The following SENP7 variants were observed in gnomAD, a reference collection of about 807,000 sequenced individuals.
SENP7 encodes the protein sentrin-specific protease 7.
A neutral mutation model predicts 141.2 loss-of-function variants in SENP7; 64 were observed. That is an observed-to-expected ratio of 0.45 (90% CI 0.37 to 0.56). The LOEUF (loss-of-function observed/expected upper bound fraction) is 0.56. Among genes scored for constraint, SENP7 ranks in the 20% least tolerant of loss-of-function variants. SENP7 has a pLI of 0.00. For missense variants in SENP7, 1,025 were observed against 1,212.2 expected, an observed-to-expected ratio of 0.85 and a Z score of 2.29; for synonymous variants, 382 against 426.4, an observed-to-expected ratio of 0.90 and a Z score of 1.28.
At chr3:101,465,256 G>A (rs2063723571) in intron 3 of SENP7, among the ~76,000 whole-genome samples, 1 of 152,130 alleles carries the variant, frequency 6.6e-6, no homozygotes, top group Non-Finnish European at 1.5e-5. Flanking sequence ...CACTGGCTCA[G>A]ACACATGCCT....
At chr3:101,488,893 T>G (rs962318685) in intron 3 of SENP7, among the ~76,000 whole-genome samples, 1 of 152,044 alleles carries the variant, frequency 6.6e-6, no homozygotes, top group Non-Finnish European at 1.5e-5. Flanking sequence ...AGAAAAAATC[T>G]TAAAGGCAGC....
In SENP7 at chr3:101,355,507, G is replaced by A. The variant is rs569228469; in HGVS notation, c.1624-3856C>T. 7.9e-5 allele frequency among the ~76,000 whole-genome samples: 12 copies of A among 152,264 alleles called. 1 individual carries two copies. In the South Asian group the frequency reaches 2.3e-3, roughly 29 times the overall value. ...GCTTGTTTTTGTCTGCTTTGTCAAA[G>A]ATCAGATGGTCATAGGTGTGCAGCT... On this transcript the variant is annotated intron_variant, in intron 11 of 23. Coordinates refer to ENST00000394095, the MANE Select transcript of SENP7 (RefSeq NM_020654.5).
chr3:101,489,176 G>A (rs1431071568), intron 3 of SENP7, among the ~76,000 whole-genome samples: 2 of 152,080 alleles, frequency 1.3e-5, no homozygotes, highest in African/African-American at 4.8e-5. Context: ...TACTAAACAT[G>A]GAATCAGAAG....
chr3:101,435,227 A>C (rs2062337630), intron 4 of SENP7, among the ~76,000 whole-genome samples: 1 of 79,112 alleles, frequency 1.3e-5, no homozygotes, highest in African/African-American at 6.4e-5. Flanking sequence ...ACAGTTCTTC[A>C]TAATAAAAAA....
At chr3:101,459,127 T>C (rs2063464432) in intron 3 of SENP7, 75 bp from the exon 4 acceptor site, 6 of 777,966 alleles carry the variant, frequency 7.7e-6, no homozygotes, top group Non-Finnish European at 1.2e-5. Flanking sequence ...TTCTTTTTTA[T>C]TTGGAAATTT....
chr3:101,436,963 T>TG (rs1305709393), intron 4 of SENP7, among the ~76,000 whole-genome samples: 1 of 152,136 alleles, frequency 6.6e-6, no homozygotes, highest in Non-Finnish European at 1.5e-5. Flanking sequence ...GATTTGGAAG[T>TG]GATCTAAGTG....
intron 4 of SENP7, among the ~76,000 whole-genome samples, chr3:101,455,120 T>C (rs1314812150): frequency 6.6e-6 from 1 of 152,144 alleles, no homozygotes; most frequent in Admixed American, 6.6e-5. Context: ...ATGGAAACTT[T>C]CCCCCTCCCC....
intron 4 of SENP7, among the ~76,000 whole-genome samples, chr3:101,431,700 C>T (rs1414977874): frequency 6.6e-6 from 1 of 151,712 alleles, no homozygotes; most frequent in Non-Finnish European, 1.5e-5. Context: ...AGGAGAATCG[C>T]TTGAACCCGG....
At chr3:101,448,475 G>C (rs1055643799) in intron 4 of SENP7, among the ~76,000 whole-genome samples, 1 of 152,218 alleles carries the variant, frequency 6.6e-6, no homozygotes, top group African/African-American at 2.4e-5. Context: ...ATTAGCTCCA[G>C]ACCCTGTTTC....
intron 3 of SENP7, among the ~76,000 whole-genome samples, chr3:101,490,887 G>C (rs1341045242): frequency 1.3e-5 from 2 of 152,148 alleles, no homozygotes; most frequent in African/African-American, 4.8e-5. Context: ...AGCAAATATG[G>C]TGAACTTTAA....
chr3:101,377,751 A>C (rs1281477974), intron 6 of SENP7, among the ~76,000 whole-genome samples: 1 of 152,224 alleles, frequency 6.6e-6, no homozygotes, highest in East Asian at 1.9e-4. Context: ...TGTGTGAGGA[A>C]AAGCAAGGAA....
chr3:101,466,345 A>G (rs529548400), intron 3 of SENP7, among the ~76,000 whole-genome samples: 109 of 147,286 alleles, frequency 7.4e-4, no homozygotes, highest in African/African-American at 2.3e-3. Flanking sequence ...AAAGTCAAAG[A>G]CACAATTCTA....
chr3:101,437,578 G>A (rs916424827), intron 4 of SENP7, among the ~76,000 whole-genome samples: 5 of 152,100 alleles, frequency 3.3e-5, no homozygotes, highest in African/African-American at 1.2e-4. Flanking sequence ...TAGGCATGGT[G>A]GCATGTGCCT....
chr3:101,464,976 T>C (rs1451825161), intron 3 of SENP7, among the ~76,000 whole-genome samples: 3 of 152,138 alleles, frequency 2.0e-5, no homozygotes, highest in Admixed American at 6.5e-5. Context: ...AAATACATTA[T>C]AACAAAAAAC....
In SENP7 at chr3:101,495,960, T is replaced by C. The variant is rs76127787; in HGVS notation, c.91-1992A>G. 9.1e-3 allele frequency among the ~76,000 whole-genome samples: 1,390 copies of C among 152,296 alleles called. 17 individuals are homozygous for C. Among genetic ancestry groups the C allele is most frequent in the African/African-American group, 0.032 (1,318 of 41,560 alleles). Reference sequence around the variant, plus strand: ...TACTTATGCCTAACACAGTGTCCAATACATGTTGAATACCCAATAAATATC... The same window carrying C: ...TACTTATGCCTAACACAGTGTCCAACACATGTTGAATACCCAATAAATATC... On this transcript the variant is annotated intron_variant, in intron 2 of 23. Transcript: ENST00000394095.
chr3:101,361,752 A>G lies in SENP7; in HGVS notation c.1586T>C (p.Ile529Thr). 1.3e-6 allele frequency: 2 copies of G among 1,596,358 alleles called. No homozygotes were observed. Among genetic ancestry groups the G allele is most frequent in the Non-Finnish European group, 1.7e-6 (2 of 1,174,224 alleles). Residue 529 changes from isoleucine (I) to threonine (T), a missense_variant, in exon 11 of 24, where the codon ATT becomes ACT. Physicochemically the swap from Ile to Thr is moderately conservative, Grantham distance 89. Around this residue, in one of 4 missense-constraint regions of SENP7, gnomAD observed 228 missense variants for 228.5 expected, o/e 1.00. Coordinates refer to ENST00000394095, the MANE Select transcript of SENP7 (RefSeq NM_020654.5). ...TTTAGAAGCTCCTTTTATTTTACCA[A>G]TATAAACAGAAGTAAATATAAAATC... is the stretch of plus-strand genomic sequence containing the variant. ...QLDFIFTSVY[I>T]GKIKGASKGC... is the part of the protein sequence containing the mutation.
intron 3 of SENP7, among the ~76,000 whole-genome samples, chr3:101,475,743 A>C (rs185565174): frequency 1.3e-5 from 2 of 152,304 alleles, no homozygotes; most frequent in Non-Finnish European, 2.9e-5. Flanking sequence ...CTTGAAATAA[A>C]AATAAAAAGA....
In SENP7 at chr3:101,356,816, T is replaced by G. The variant is rs537989455; in HGVS notation, c.1623+4899A>C. ...TGCTGAAAAAAGCTTGAGCAATTGC[T>G]TGAGGGTTTTCCTCTAGTACAAAAT... On this transcript the variant is annotated intron_variant, in intron 11 of 23. Transcript: ENST00000394095. Among the ~76,000 whole-genome samples the G allele has an allele frequency of 2.6e-5, 4 of 152,336 alleles. No homozygotes were observed. In the South Asian group the frequency reaches 8.3e-4, roughly 32 times the overall value.
At chr3:101,475,557 G>A (rs754026533) in intron 3 of SENP7, among the ~76,000 whole-genome samples, 6 of 152,036 alleles carry the variant, frequency 3.9e-5, no homozygotes, top group Non-Finnish European at 8.8e-5. Context: ...GGGGACGAAG[G>A]GAAAAAGAAC....
Sources: allele counts gnomAD v4.1 joint callset (sites outside exome capture counted in the v4.1 genomes callset), GRCh38; gene constraint gnomAD v4.1.1; regional missense constraint gnomAD v4.1.1; transcripts MANE v1.5; gene names NCBI Gene and HGNC (gene_info 2026-07-23, HGNC 2026-07-21).